CUL1: variants seen among roughly 807,000 people sequenced by gnomAD.
The protein encoded by CUL1 is cullin-1.
CUL1 carries 24 observed loss-of-function variants against 118.0 expected under a neutral mutation model. The observed-to-expected ratio is 0.20, with a 90% confidence interval of 0.15 to 0.29. The LOEUF (loss-of-function observed/expected upper bound fraction) is 0.29, where lower values mean the gene tolerates loss of function less well. CUL1 is among the 10% of genes least tolerant of loss of function. CUL1 has a pLI of 1.00. For synonymous variants in CUL1, 332 were observed against 340.4 expected, an observed-to-expected ratio of 0.98 and a Z score of 0.27; for missense variants, 361 against 933.8, an observed-to-expected ratio of 0.39 and a Z score of 7.99.
chr7:148,784,142 T>TA, intron 11 of CUL1, 65 bp downstream of exon 11: 1 of 1,251,244 alleles, frequency 8.0e-7, no homozygotes, highest in Non-Finnish European at 1.2e-6. Context: ...TATGAGGAAT[T>TA]AAAACCTACA....
Position 148,759,604 on chromosome 7 carries a change from T to C in CUL1, c.591T>C (p.Asn197=), listed in dbSNP as rs760140315. The C allele has an allele frequency of 2.5e-6, 4 of 1,611,218 alleles. No individual in the cohort carries two copies. Among genetic ancestry groups the C allele is most frequent in the Non-Finnish European group, 2.5e-6 (3 of 1,178,346 alleles). The change falls in exon 6 of 22, where the codon AAT becomes AAC. Residue 197 remains asparagine (N), a synonymous_variant. Transcript: ENST00000325222. ...AGGAAAGGAATGGTGAAACCATCAA[T>C]ACAAGATTGATTAGTGGAGTTGTAC... ...IEKERNGETI[N]TRLISGVVQS... is the part of the protein sequence containing the mutation.
chr7:148,711,457 C>T (rs1026980362), intron 1 of CUL1, among the ~76,000 whole-genome samples: 11 of 152,262 alleles, frequency 7.2e-5, no homozygotes, highest in Non-Finnish European at 4.4e-5. Context: ...AAAGAGGTGT[C>T]GCTTAACTGT....
chr7:148,737,641 C>A (rs1799001850), intron 2 of CUL1, among the ~76,000 whole-genome samples: 1 of 151,298 alleles, frequency 6.6e-6, no homozygotes, highest in South Asian at 2.1e-4. Context: ...CACTCTGTTG[C>A]CCAGGCTGGA....
At chr7:148,700,525 A>AT (rs1205860178) in intron 1 of CUL1, among the ~76,000 whole-genome samples, 1 of 152,202 alleles carries the variant, frequency 6.6e-6, no homozygotes, top group Non-Finnish European at 1.5e-5. Flanking sequence ...TTCTTTGTTT[A>AT]AAGAAGGTTT....
At chr7:148,714,346 T>C (rs1798143674) in intron 1 of CUL1, among the ~76,000 whole-genome samples, 1 of 152,214 alleles carries the variant, frequency 6.6e-6, no homozygotes, top group Admixed American at 6.5e-5. Context: ...TTTTTTCTCT[T>C]TTGTTTTGCT....
intron 1 of CUL1, among the ~76,000 whole-genome samples, chr7:148,699,752 C>G (rs999492349): frequency 1.1e-4 from 16 of 152,182 alleles, no homozygotes; most frequent in African/African-American, 3.4e-4. Context: ...CCGGACAGAG[C>G]CCCCCGGCGC....
At chr7:148,745,549 C>T (rs1234463595) in intron 2 of CUL1, among the ~76,000 whole-genome samples, 1 of 152,084 alleles carries the variant, frequency 6.6e-6, no homozygotes, top group Non-Finnish European at 1.5e-5. Flanking sequence ...TGGTTAGGTA[C>T]TTCGGTACAT....
At chr7:148,732,630 C>T (rs1318157159) in intron 2 of CUL1, among the ~76,000 whole-genome samples, 6 of 152,034 alleles carry the variant, frequency 3.9e-5, no homozygotes, top group Admixed American at 6.6e-5. Flanking sequence ...TGAGCCACCA[C>T]GTCCAGCCTT....
At chr7:148,785,139 C>T (rs1326565346) in intron 11 of CUL1, among the ~76,000 whole-genome samples, 1 of 152,096 alleles carries the variant, frequency 6.6e-6, no homozygotes, top group Non-Finnish European at 1.5e-5. Context: ...GTGAGAAACT[C>T]TGAGTGTTTG....
chr7:148,746,243 T>C (rs566976604), intron 2 of CUL1, among the ~76,000 whole-genome samples: 1 of 152,342 alleles, frequency 6.6e-6, no homozygotes, highest in African/African-American at 2.4e-5. Flanking sequence ...CTAGCCCTGC[T>C]CTCTGGAAGC....
At chr7:148,730,347 G>A (rs1318217349) in intron 2 of CUL1, 85 bp downstream of exon 2, 1 of 1,377,916 alleles carries the variant, frequency 7.3e-7, no homozygotes, top group Non-Finnish European at 9.7e-7. Context: ...ATTTTATATT[G>A]TTTTCTCCTC....
intron 4 of CUL1, 46 bp from the exon 5 acceptor site, chr7:148,759,258 A>G (rs779839448): frequency 7.7e-6 from 12 of 1,566,284 alleles, no homozygotes; most frequent in Middle Eastern, 1.7e-4. Context: ...TCAATCTTGG[A>G]AAAACATGGT....
At chr7:148,761,502 C>T (rs1799828858) in intron 7 of CUL1, among the ~76,000 whole-genome samples, 1 of 152,120 alleles carries the variant, frequency 6.6e-6, no homozygotes, top group African/African-American at 2.4e-5. Flanking sequence ...CAGAGTGAGA[C>T]TCTGTCTCAA....
chr7:148,701,866 G>C (rs73465469), intron 1 of CUL1, among the ~76,000 whole-genome samples: 1,987 of 152,256 alleles, frequency 0.013, 39 homozygotes, highest in African/African-American at 0.045. Flanking sequence ...TGCTGTTTCA[G>C]CCTTCCGTAG....
At chr7:148,768,644 CAA>C (rs1800092801) in intron 9 of CUL1, among the ~76,000 whole-genome samples, 1 of 152,090 alleles carries the variant, frequency 6.6e-6, no homozygotes, top group South Asian at 2.1e-4. Context: ...CTTGGCCTCC[CAA>C]AGTGCTGAGA....
At chr7:148,783,197 T>C in intron 9 of CUL1, 1 of 285,166 alleles carries the variant, frequency 3.5e-6, no homozygotes, top group South Asian at 1.4e-4. Context: ...CATTTCCATG[T>C]TGTTCCTTGT....
At chr7:148,700,004 T>C (rs964227364) in intron 1 of CUL1, among the ~76,000 whole-genome samples, 2 of 152,206 alleles carry the variant, frequency 1.3e-5, no homozygotes, top group African/African-American at 4.8e-5. Flanking sequence ...GAGGAATGCT[T>C]GTAGACATTC....
chr7:148,788,345 A>G lies in CUL1; in HGVS notation c.1480-212A>G, dbSNP rs563273871. Among the ~76,000 whole-genome samples the G allele has an allele frequency of 9.8e-5, 15 of 152,340 alleles. No individual in the cohort carries two copies. In the South Asian group the frequency reaches 2.9e-3, roughly 29 times the overall value. The stretch of plus-strand genomic sequence containing the variant: ...TATGAATTGTGTGTGTGAACACTTC[A>G]CTGTGCAACATAGAGTTGTGGGGTT... On this transcript the variant is annotated intron_variant, in intron 13 of 21. Coordinates refer to ENST00000325222, the MANE Select transcript of CUL1 (RefSeq NM_003592.3).
chr7:148,756,189 A>G (rs1327651188), intron 3 of CUL1, among the ~76,000 whole-genome samples: 3 of 152,216 alleles, frequency 2.0e-5, no homozygotes, highest in African/African-American at 7.2e-5. Context: ...TTGTTATACT[A>G]TTGTACTTAC....
Sources: gnomAD v4.1 joint callset for allele counts (sites outside exome capture counted in the v4.1 genomes callset) on GRCh38, gnomAD v4.1.1 for gene constraint, MANE v1.5 for transcripts, NCBI Gene and HGNC (gene_info 2026-07-23, HGNC 2026-07-21) for gene names.